MYBPC2: variants seen among roughly 807,000 people sequenced by gnomAD.
MYBPC2 encodes the protein myosin-binding protein C, fast-type.
In MYBPC2, 122 loss-of-function variants were observed where a neutral mutation model predicts 137.0. That is an observed-to-expected ratio of 0.89 (90% CI 0.77 to 1.03). The LOEUF is 1.03. Ranked by LOEUF, MYBPC2 falls within the 50% of genes least tolerant of loss-of-function variation. The pLI, the probability that MYBPC2 is intolerant of heterozygous loss-of-function variation, is 0.00. For missense variants in MYBPC2, 1,500 were observed against 1,534.4 expected (o/e 0.98, Z 0.37); for synonymous variants, 626 against 612.3 (o/e 1.02, Z -0.33).
Position 50,435,204 on chromosome 19 carries a change from C to A in MYBPC2, c.63C>A (p.Ala21=). The A allele has an allele frequency of 1.4e-6, 2 of 1,425,236 alleles. No individual in the cohort carries two copies. The highest frequency in any genetic ancestry group is 2.0e-6 in the Non-Finnish European group (2 of 1,013,796). 88.3% of individuals were successfully genotyped at this position (1,425,236 alleles called of 1,614,324 possible). Residue 21 remains alanine (A), a synonymous_variant, in exon 2 of 28, where the codon GCC becomes GCA. Coordinates refer to ENST00000357701, the MANE Select transcript of MYBPC2 (RefSeq NM_004533.4). This position sits in a 1 kb window ranked among gnomAD's most constrained non-coding sequence, Gnocchi z 4.8. ...AAGGCAAAGATGCCCCCAAAGGAGC[C>A]CCCAAGGAGGCTCCCCCTAAGGAGG... ...APKGKDAPKG[A]PKEAPPKEAP...
chr19:50,441,153 C>T, intron 8 of MYBPC2, 77 bp downstream of exon 8: 2 of 1,401,456 alleles, frequency 1.4e-6, no homozygotes, highest in South Asian at 1.5e-5. Flanking sequence ...TGATTGGACC[C>T]TGGACCTATC....
chr19:50,443,586 A>G lies in MYBPC2; in HGVS notation c.995A>G (p.Asp332Gly). ...DDAAYEVAVKDEKCFTELFVK... is the reference protein window; with the variant it reads ...DDAAYEVAVKGEKCFTELFVK... ...GCTGCCTATGAAGTAGCTGTCAAGG[A>G]TGAGAAGTGTTTCACCGAGCTCTTC... is the stretch of plus-strand genomic sequence containing the variant. The change falls in exon 10 of 28, where the codon GAT (aspartate) becomes GGT (glycine). Residue 332 changes from aspartate (D) to glycine (G), a missense_variant. Asp to Gly is a moderately conservative substitution (Grantham distance 94). Transcript: ENST00000357701. 6.2e-7 allele frequency: 1 copy of G among 1,613,392 alleles called. No homozygotes were observed. Among genetic ancestry groups the G allele is most frequent in the Non-Finnish European group, 8.5e-7 (1 of 1,179,592 alleles).
intron 20 of MYBPC2, among the ~76,000 whole-genome samples, chr19:50,457,318 G>A (rs2039922593): frequency 6.6e-6 from 1 of 152,068 alleles, no homozygotes; most frequent in African/African-American, 2.4e-5. Flanking sequence ...TCTGTTGATT[G>A]CTGCTCTGAG....
At chr19:50,460,935 C>T (rs918090651) in intron 24 of MYBPC2, among the ~76,000 whole-genome samples, 1 of 152,148 alleles carries the variant, frequency 6.6e-6, no homozygotes, top group Non-Finnish European at 1.5e-5. Flanking sequence ...AAGTCATCCT[C>T]CCACCTTGGC....
At chr19:50,450,740 C>A in intron 13 of MYBPC2, 89 bp from the exon 14 acceptor site, 3 of 891,790 alleles carry the variant, frequency 3.4e-6, no homozygotes, top group Non-Finnish European at 5.4e-6. Context: ...ATGTGGACTG[C>A]ACTGAGGGAA....
At chr19:50,455,367 T>C in intron 19 of MYBPC2, 71 bp downstream of exon 19, 1 of 1,566,536 alleles carries the variant, frequency 6.4e-7, no homozygotes, top group South Asian at 1.2e-5. Context: ...CCCGTCCACC[T>C]CTGGCCCATC....
chr19:50,446,986 TAAAAAA>T (rs529228553), intron 12 of MYBPC2, among the ~76,000 whole-genome samples: 1 of 130,042 alleles, frequency 7.7e-6, no homozygotes, highest in African/African-American at 2.9e-5. Context: ...GACTCCGTCT[TAAAAAA>T]AAAAAAAAAA....
intron 24 of MYBPC2, among the ~76,000 whole-genome samples, chr19:50,461,341 C>G (rs111328151): frequency 3.5e-4 from 54 of 152,222 alleles, no homozygotes; most frequent in African/African-American, 1.3e-3. Context: ...TTGTCTGGGC[C>G]GACTGTTTTG....
At position 50,461,930 on chromosome 19, in the gene MYBPC2, A is replaced by G. The variant is rs1421630895; in HGVS notation, c.3122A>G (p.Glu1041Gly). Residue 1041 changes from glutamate to glycine, a missense_variant, in exon 26 of 28, where the codon GAG (glutamate) becomes GGG (glycine). Coordinates refer to ENST00000357701, the MANE Select transcript of MYBPC2 (RefSeq NM_004533.4). ...ACCTTCAAACCGTTCGAGTATAAGG[A>G]GCATGACTTCCGGATGGCTCCCAAG... ...GITFKPFEYK[E>G]HDFRMAPKFL... 1.3e-6 allele frequency: 2 copies of G among 1,596,812 alleles called. No homozygotes were observed. The highest frequency in any genetic ancestry group is 1.7e-6 in the Non-Finnish European group (2 of 1,171,382).
Position 50,454,100 on chromosome 19 carries a change from G to A in MYBPC2, c.1830G>A (p.Arg610=). ...GCTTTGTGATTGAGAGTGCGCAGCGGGAAGACGAGGGCCGCTACACCATCA... is the reference window on the plus strand; with the variant it reads ...GCTTTGTGATTGAGAGTGCGCAGCGAGAAGACGAGGGCCGCTACACCATCA... ...CSSFVIESAQ[R]EDEGRYTIKV... The change falls in exon 17 of 28, where the codon CGG becomes CGA. Residue 610 remains arginine (R), a synonymous_variant. Coordinates refer to ENST00000357701, the MANE Select transcript of MYBPC2 (RefSeq NM_004533.4). 6.2e-7 allele frequency: 1 copy of A among 1,612,436 alleles called. No homozygotes were observed. Among genetic ancestry groups the A allele is most frequent in the Non-Finnish European group, 8.5e-7 (1 of 1,179,254 alleles).
In MYBPC2 at chr19:50,452,023, C is replaced by A; in HGVS notation, c.1749+20C>A. ...GATGAGGTGGGTTGGGGCCGCCCCT[C>A]TGTCCTCACTCCCTTTCCGTTTAGG... On this transcript the variant is annotated intron_variant, in intron 16 of 27. Transcript: ENST00000357701. 6.4e-7 allele frequency: 1 copy of A among 1,550,462 alleles called. No individual in the cohort carries two copies. The highest frequency in any genetic ancestry group is 8.7e-7 in the Non-Finnish European group (1 of 1,145,786).
chr19:50,466,184 T>A lies in MYBPC2; in HGVS notation c.3416-11T>A. The A allele has an allele frequency of 1.2e-6, 2 of 1,613,632 alleles. No individual in the cohort carries two copies. Among genetic ancestry groups the A allele is most frequent in the Non-Finnish European group, 8.5e-7 (1 of 1,179,790 alleles). ...CGGGCCTGGCTCACCCGCTTTCTCG[T>A]TTTCCTGCAGTGCCGCAGTGAGACC... On this transcript the variant is annotated splice_polypyrimidine_tract_variant and intron_variant, in intron 27 of 27. Coordinates refer to ENST00000357701, the MANE Select transcript of MYBPC2 (RefSeq NM_004533.4). This position sits in a 1 kb window ranked among gnomAD's most constrained non-coding sequence, Gnocchi z 4.9.
At position 50,435,195 on chromosome 19, in the gene MYBPC2, CA is replaced by C; in HGVS notation, c.57del (p.Gly20GlufsTer36). 3 of 1,430,982 alleles carry C rather than the reference CA, an allele frequency of 2.1e-6. No homozygotes were observed. Among genetic ancestry groups the C allele is most frequent in the Non-Finnish European group, 2.9e-6 (3 of 1,018,176 alleles). The allele number at this position is 1,430,982 out of a possible 1,614,324, so 88.6% of individuals were successfully genotyped here. On this transcript the variant is annotated frameshift_variant, in exon 2 of 28. Coordinates refer to ENST00000357701, the MANE Select transcript of MYBPC2 (RefSeq NM_004533.4). LOFTEE classifies it high-confidence loss of function. This position sits in a 1 kb window ranked among gnomAD's most constrained non-coding sequence, Gnocchi z 4.8. Reference protein sequence around the residue: ...KKAPKGKDAPKGAPKEAPPKE... With the variant: ...KKAPKGKDAPXGAPKEAPPKE... ...AGGCCCCCAAAGGCAAAGATGCCCCCAAAGGAGCCCCCAAGGAGGCTCCCCC... is the reference window on the plus strand; with the variant it reads ...AGGCCCCCAAAGGCAAAGATGCCCCCAAGGAGCCCCCAAGGAGGCTCCCCC...
Position 50,464,347 on chromosome 19 carries a change from C to T in MYBPC2, c.3230C>T (p.Pro1077Leu), listed in dbSNP as rs753592628. 46 of 1,603,160 alleles carry T rather than the reference C, an allele frequency of 2.9e-5. No homozygotes were observed. Among genetic ancestry groups the T allele is most frequent in the African/African-American group, 4.0e-5 (3 of 74,882 alleles). ...CTCCTCTCCCTTGACTCTCAACAGC[C>T]GAAGGTGGTCTGGATGAAGAACAAG... ...LNCAVRGHPK[P>L]KVVWMKNKME... Residue 1077 changes from proline to leucine, a missense_variant and splice_region_variant, in exon 27 of 28, where the codon CCG becomes CTG. By Grantham distance (98) the Pro-to-Leu change is moderately conservative. Coordinates refer to ENST00000357701, the MANE Select transcript of MYBPC2 (RefSeq NM_004533.4).
intron 5 of MYBPC2, 59 bp from the exon 6 acceptor site, chr19:50,437,414 A>C (rs751330950): frequency 8.7e-5 from 133 of 1,532,940 alleles, no homozygotes; most frequent in Non-Finnish European, 1.1e-4. Context: ...AGGGGCTCTC[A>C]GTCTAAGATC....
At chr19:50,455,885 C>G (rs1012081662) in intron 20 of MYBPC2, among the ~76,000 whole-genome samples, 5 of 152,120 alleles carry the variant, frequency 3.3e-5, no homozygotes, top group African/African-American at 1.2e-4. Flanking sequence ...TCCATCTATC[C>G]TTCCATCCCC....
rs546115552 is a variant in MYBPC2, at chr19:50,436,067, G to T, written c.252G>T (p.Pro84=). 6.9e-6 allele frequency: 11 copies of T among 1,584,344 alleles called. No individual in the cohort carries two copies. Among genetic ancestry groups the T allele is most frequent in the African/African-American group, 1.3e-5 (1 of 74,264 alleles). Residue 84 remains proline, a synonymous_variant, in exon 4 of 28, where the codon CCG becomes CCT. Transcript: ENST00000357701. The part of the protein sequence containing the change: ...KVNGKELPDK[P]TIKWFKGKWL... ...ACGGGAAGGAGCTCCCAGACAAACC[G>T]ACCATCAAGTGGTTCAAGGGGAAGT...
Position 50,464,335 on chromosome 19 carries a change from A to C in MYBPC2, c.3229-11A>C, listed in dbSNP as rs1254253203. 3 of 1,597,802 alleles carry C rather than the reference A, an allele frequency of 1.9e-6. No individual in the cohort carries two copies. The Admixed American group carries it at 5.2e-5, about 28-fold the overall frequency. ...CTCTAAGTTGGCCTCCTCTCCCTTG[A>C]CTCTCAACAGCCGAAGGTGGTCTGG... On this transcript the variant is annotated splice_polypyrimidine_tract_variant and intron_variant, in intron 26 of 27. Transcript: ENST00000357701.
Position 50,454,151 on chromosome 19 carries a change from C to G in MYBPC2, c.1881C>G (p.Asp627Glu). The G allele has an allele frequency of 6.2e-7, 1 of 1,613,826 alleles. No homozygotes were observed. Among genetic ancestry groups the G allele is most frequent in the Non-Finnish European group, 8.5e-7 (1 of 1,179,836 alleles). The change falls in exon 17 of 28, where the codon GAC becomes GAG. Residue 627 changes from aspartate (D) to glutamate (E), a missense_variant. Asp to Glu is a conservative substitution (Grantham distance 45). Coordinates refer to ENST00000357701, the MANE Select transcript of MYBPC2 (RefSeq NM_004533.4). ...AGGTCACCAACCCCGTCGGCGAGGA[C>G]GTGGCTTCCATCTTCCTGCAAGTTG... The part of the protein sequence containing the change: ...TIKVTNPVGE[D>E]VASIFLQVVD...
Sources: gnomAD v4.1 joint callset for allele counts (sites outside exome capture counted in the v4.1 genomes callset) on GRCh38, gnomAD v4.1.1 for gene constraint, Gnocchi (gnomAD v3.1) non-coding constraint, MANE v1.5 for transcripts, NCBI Gene and HGNC (gene_info 2026-07-23, HGNC 2026-07-21) for gene names.